The following NEGR1 variants were observed in gnomAD, a reference collection of about 807,000 sequenced individuals.
NEGR1 encodes IgLON family member 4.
In NEGR1, 10 loss-of-function variants were observed where a neutral mutation model predicts 40.9. The observed-to-expected ratio is 0.24, with a 90% CI of 0.15 to 0.42. The LOEUF (loss-of-function observed/expected upper bound fraction) is 0.42. Among genes scored for constraint, NEGR1 ranks in the 10% least tolerant of loss-of-function variants. NEGR1 has a pLI of 1.00. For synonymous variants in NEGR1, 185 were observed against 166.8 expected (o/e 1.11, Z -0.84); for missense variants, 352 against 438.9 (o/e 0.80, Z 1.77).
intron 1 of NEGR1, among the ~76,000 whole-genome samples, chr1:72,146,542 T>C (rs1406710058): frequency 1.3e-5 from 2 of 151,926 alleles, no homozygotes; most frequent in African/African-American, 2.4e-5. Context: ...TGGTCCCATA[T>C]ATACAAACTT....
chr1:71,938,410 G>GTTT (rs571760372), intron 1 of NEGR1, among the ~76,000 whole-genome samples: 5 of 109,878 alleles, frequency 4.6e-5, no homozygotes, highest in Non-Finnish European at 7.5e-5. Flanking sequence ...ATGTGTAGGT[G>GTTT]TTTTTTTTTT....
intron 2 of NEGR1, among the ~76,000 whole-genome samples, chr1:71,826,717 A>T (rs1658638804): frequency 6.6e-6 from 1 of 151,946 alleles, no homozygotes; most frequent in Admixed American, 6.6e-5. Context: ...TAAAATACAC[A>T]TTCCAAGAAA....
At chr1:71,908,837 G>A (rs1570489347) in intron 2 of NEGR1, among the ~76,000 whole-genome samples, 1 of 151,886 alleles carries the variant, frequency 6.6e-6, no homozygotes, top group Non-Finnish European at 1.5e-5. Flanking sequence ...ACTACTTCCC[G>A]TGTTATTTTT....
intron 1 of NEGR1, among the ~76,000 whole-genome samples, chr1:72,199,170 G>GAC (rs1189386138): frequency 7.3e-5 from 11 of 151,294 alleles, no homozygotes; most frequent in Admixed American, 6.0e-4. Context: ...GAGAGAGAGA[G>GAC]AGAGAGAGAG....
At chr1:71,470,534 C>T (rs1450837584) in intron 6 of NEGR1, among the ~76,000 whole-genome samples, 4 of 152,070 alleles carry the variant, frequency 2.6e-5, no homozygotes, top group Non-Finnish European at 5.9e-5. Context: ...TATATCTCTT[C>T]AATGTATGTT....
intron 6 of NEGR1, among the ~76,000 whole-genome samples, chr1:71,424,946 G>C (rs1040091759): frequency 8.5e-5 from 13 of 152,132 alleles, no homozygotes; most frequent in Non-Finnish European, 1.5e-4. Flanking sequence ...TTGCACTTCA[G>C]ACTTATAGAC....
chr1:72,185,588 G>T (rs975143569), intron 1 of NEGR1, among the ~76,000 whole-genome samples: 1 of 151,860 alleles, frequency 6.6e-6, no homozygotes, highest in Admixed American at 6.6e-5. Flanking sequence ...ATGTTACCAT[G>T]CATTAAATAG....
At chr1:71,823,357 C>G (rs1316382208) in intron 2 of NEGR1, among the ~76,000 whole-genome samples, 4 of 151,914 alleles carry the variant, frequency 2.6e-5, no homozygotes, top group Non-Finnish European at 5.9e-5. Flanking sequence ...TTGCTTCATT[C>G]CACCATATCC....
intron 2 of NEGR1, among the ~76,000 whole-genome samples, chr1:71,865,114 T>C (rs1010682212): frequency 1.3e-5 from 2 of 152,152 alleles, no homozygotes; most frequent in African/African-American, 4.8e-5. Context: ...ATAAAATGAT[T>C]AGAACTTCCC....
At chr1:72,090,025 T>C (rs1481666999) in intron 1 of NEGR1, among the ~76,000 whole-genome samples, 1 of 152,164 alleles carries the variant, frequency 6.6e-6, no homozygotes, top group African/African-American at 2.4e-5. Context: ...AGCTTGTTGT[T>C]AGATTTTAGT....
intron 2 of NEGR1, among the ~76,000 whole-genome samples, chr1:71,805,045 C>A (rs568382523): frequency 1.3e-5 from 2 of 152,146 alleles, no homozygotes; most frequent in Non-Finnish European, 2.9e-5. Context: ...TTTACAGTCG[C>A]AGCTGTAGGG....
At chr1:71,655,094 AT>A (rs1211777802) in intron 4 of NEGR1, among the ~76,000 whole-genome samples, 1 of 152,194 alleles carries the variant, frequency 6.6e-6, no homozygotes, top group African/African-American at 2.4e-5. Context: ...TTTTAATTCC[AT>A]TTAAAGAAGA....
intron 2 of NEGR1, chr1:71,794,189 A>C (rs988956963): frequency 6.6e-6 from 1 of 152,202 alleles, no homozygotes; most frequent in African/African-American, 2.4e-5. Context: ...ATTACAGAAA[A>C]TATGTTAACT....
intron 1 of NEGR1, among the ~76,000 whole-genome samples, chr1:72,053,882 A>C (rs1041810248): frequency 6.9e-6 from 1 of 144,806 alleles, no homozygotes; most frequent in African/African-American, 2.7e-5. Flanking sequence ...TTTAAGATTA[A>C]AAAAAAAAAC....
intron 6 of NEGR1, among the ~76,000 whole-genome samples, chr1:71,522,361 C>T (rs1047316918): frequency 4.6e-5 from 7 of 152,004 alleles, no homozygotes; most frequent in Admixed American, 3.3e-4. Flanking sequence ...GGAAAGTGGA[C>T]AGTTCCAATT....
intron 1 of NEGR1, among the ~76,000 whole-genome samples, chr1:72,006,963 GT>G (rs771185860): frequency 1.1e-4 from 17 of 152,010 alleles, no homozygotes; most frequent in Non-Finnish European, 2.4e-4. Context: ...TTTTTTGGTT[GT>G]TTTTGTATGT....
chr1:71,762,434 T>C (rs995840589), intron 3 of NEGR1, among the ~76,000 whole-genome samples: 1 of 152,096 alleles, frequency 6.6e-6, no homozygotes, highest in African/African-American at 2.4e-5. Context: ...TGCAAGAGAC[T>C]CACTTAAAAT....
intron 1 of NEGR1, among the ~76,000 whole-genome samples, chr1:72,183,819 G>A (rs963502158): frequency 6.6e-5 from 10 of 152,086 alleles, no homozygotes; most frequent in African/African-American, 2.4e-4. Flanking sequence ...TGCTGGAGGA[G>A]CTATAAAAGA....
intron 3 of NEGR1, among the ~76,000 whole-genome samples, chr1:71,765,814 C>T (rs560371574): frequency 2.0e-5 from 3 of 152,130 alleles, no homozygotes; most frequent in Non-Finnish European, 2.9e-5. Context: ...TGTTTAAAGT[C>T]TCCTTTACAA....
Sources: gnomAD v4.1 joint callset for allele counts (sites outside exome capture counted in the v4.1 genomes callset) on GRCh38, gnomAD v4.1.1 for gene constraint, MANE v1.5 for transcripts, NCBI Gene and HGNC (gene_info 2026-07-23, HGNC 2026-07-21) for gene names.